Variants in FAM193A observed in about 807,000 individuals in gnomAD.
The protein encoded by FAM193A is family with sequence similarity 193 member A.
In FAM193A, 22 loss-of-function variants were observed where a neutral mutation model predicts 126.5. The observed-to-expected ratio is 0.17, with a 90% CI of 0.12 to 0.25. The LOEUF is 0.25. Among genes scored for constraint, FAM193A ranks in the 10% least tolerant of loss-of-function variants. FAM193A has a pLI of 1.00. For missense variants in FAM193A, 1,675 were observed against 1,672.8 expected (o/e 1.00, Z -0.02); for synonymous variants, 761 against 646.8 (o/e 1.18, Z -2.68).
rs1300778994 is a variant in FAM193A, at chr4:2,556,606, C to T, written c.255+19436C>T. Among the ~76,000 whole-genome samples the T allele has an allele frequency of 6.6e-5, 10 of 152,192 alleles. No homozygotes were observed. In the East Asian group the frequency reaches 9.7e-4, roughly 15 times the overall value. The stretch of plus-strand genomic sequence containing the variant: ...CTGATGTGGGGGGATCACTTGAGCC[C>T]GGGAGGTCGAGACTGCAGTGAGCTG... On this transcript the variant is annotated intron_variant, in intron 1 of 20. Transcript: ENST00000637812.
rs1386780426 is a variant in FAM193A at position 2,649,488 on chromosome 4, C to A, written c.1311+2656C>A. 2.0e-5 allele frequency among the ~76,000 whole-genome samples: 3 copies of A among 151,470 alleles called. No individual in the cohort carries two copies. The East Asian group carries it at 5.8e-4, about 29-fold the overall frequency. On this transcript the variant is annotated intron_variant, in intron 7 of 20. Coordinates refer to ENST00000637812, the MANE Select transcript of FAM193A (RefSeq NM_001366318.2). ...AGAAGTTTGAGATCAGCCTGGGTGA[C>A]ATAGATAGACCTTGTCTCTACAAAA...
chr4:2,638,105 C>T (rs528336698), intron 5 of FAM193A, among the ~76,000 whole-genome samples: 1 of 152,354 alleles, frequency 6.6e-6, no homozygotes, highest in African/African-American at 2.4e-5. Context: ...GGAGGCCAGG[C>T]AAAGCCTCAG....
At chr4:2,680,411 C>T (rs1714971223) in intron 13 of FAM193A, among the ~76,000 whole-genome samples, 1 of 152,190 alleles carries the variant, frequency 6.6e-6, no homozygotes, top group Non-Finnish European at 1.5e-5. Flanking sequence ...GCCTCAAACT[C>T]CTGGGCTCAA....
chr4:2,557,767 A>G (rs1738346517), intron 1 of FAM193A, among the ~76,000 whole-genome samples: 1 of 152,036 alleles, frequency 6.6e-6, no homozygotes, highest in Non-Finnish European at 1.5e-5. Context: ...CCTGGCTAAC[A>G]TGGTGAAACA....
intron 1 of FAM193A, among the ~76,000 whole-genome samples, chr4:2,594,820 C>CTTTTTTTTTTTTTTTTTTTTTTTTTTTTT (rs386399069): frequency 9.6e-5 from 6 of 62,230 alleles, no homozygotes; most frequent in African/African-American, 2.4e-4. Context: ...TTTTCTTTTC[C>CTTTTTTTTTTTTTTTTTTTTTTTTTTTTT]TTTTTTTTTT....
At chr4:2,693,510 T>C (rs1716648690) in intron 15 of FAM193A, 76 bp from the exon 16 acceptor site, 2 of 1,393,846 alleles carry the variant, frequency 1.4e-6, no homozygotes, top group Non-Finnish European at 2.0e-6. Flanking sequence ...ACTCTTTGTG[T>C]GTTCTTTCAG....
At chr4:2,685,973 A>G (rs1339774432) in intron 13 of FAM193A, among the ~76,000 whole-genome samples, 1 of 152,206 alleles carries the variant, frequency 6.6e-6, no homozygotes, top group Non-Finnish European at 1.5e-5. Flanking sequence ...TTGTATAACG[A>G]GTGAAATTGG....
chr4:2,718,021 A>G (rs1719732203), intron 20 of FAM193A, among the ~76,000 whole-genome samples: 1 of 152,212 alleles, frequency 6.6e-6, no homozygotes, highest in Non-Finnish European at 1.5e-5. Flanking sequence ...AACCTGCGGG[A>G]TATCGAAAAA....
intron 18 of FAM193A, among the ~76,000 whole-genome samples, chr4:2,697,477 G>A (rs572632835): frequency 6.6e-6 from 1 of 152,354 alleles, no homozygotes; most frequent in African/African-American, 2.4e-5. Context: ...AGACCTCAGT[G>A]AGCAGATGTG....
intron 1 of FAM193A, among the ~76,000 whole-genome samples, chr4:2,568,217 G>GT (rs1165676110): frequency 2.6e-5 from 4 of 152,134 alleles, no homozygotes; most frequent in African/African-American, 9.7e-5. Flanking sequence ...CTGTGGGCTT[G>GT]TAAAATTTTT....
At chr4:2,667,624 G>T (rs766601790) in intron 12 of FAM193A, among the ~76,000 whole-genome samples, 2 of 152,026 alleles carry the variant, frequency 1.3e-5, no homozygotes, top group Non-Finnish European at 1.5e-5. Context: ...ACCTTCTTGG[G>T]TTACTGTGTA....
At chr4:2,615,614 G>A (rs1742134653) in intron 2 of FAM193A, among the ~76,000 whole-genome samples, 1 of 152,098 alleles carries the variant, frequency 6.6e-6, no homozygotes. Context: ...TGCCTCCCGG[G>A]TTCAAGCAAT....
chr4:2,603,353 C>T (rs975094047), intron 2 of FAM193A, among the ~76,000 whole-genome samples: 22 of 149,852 alleles, frequency 1.5e-4, no homozygotes, highest in Non-Finnish European at 1.0e-4. Context: ...GGCGTGATTT[C>T]GGCTCAACGC....
At chr4:2,543,526 C>G (rs961416948) in intron 1 of FAM193A, among the ~76,000 whole-genome samples, 4 of 151,728 alleles carry the variant, frequency 2.6e-5, no homozygotes, top group African/African-American at 9.7e-5. Flanking sequence ...GAGAGACCCT[C>G]CCCGCCACTG....
chr4:2,626,074 G>A (rs1742934691), intron 3 of FAM193A, among the ~76,000 whole-genome samples: 2 of 152,162 alleles, frequency 1.3e-5, no homozygotes, highest in Admixed American at 1.3e-4. Context: ...AGGAATGCAT[G>A]TAGCCAAGTG....
At chr4:2,650,847 A>G (rs963784874) in intron 7 of FAM193A, among the ~76,000 whole-genome samples, 2 of 151,986 alleles carry the variant, frequency 1.3e-5, no homozygotes, top group Non-Finnish European at 2.9e-5. Context: ...CCCACGGTAC[A>G]CTCTAATGGC....
intron 20 of FAM193A, among the ~76,000 whole-genome samples, chr4:2,721,908 T>G (rs1375225774): frequency 6.6e-6 from 1 of 152,206 alleles, no homozygotes; most frequent in Admixed American, 6.5e-5. Context: ...ACGAACAGAC[T>G]GTCACCTCAT....
At chr4:2,694,867 T>C in intron 16 of FAM193A, 79 bp from the exon 17 acceptor site, 1 of 1,245,694 alleles carries the variant, frequency 8.0e-7, no homozygotes, top group Non-Finnish European at 1.1e-6. Flanking sequence ...GGCAGGACAG[T>C]GGGTGGTCAT....
rs769358572 is a variant in FAM193A at position 2,700,485 on chromosome 4, C to T, written c.4313C>T (p.Pro1438Leu). The change falls in exon 19 of 21, where the codon CCA (proline) becomes CTA (leucine). Residue 1438 changes from proline (P) to leucine (L), a missense_variant. Physicochemically the swap from Pro to Leu is moderately conservative, Grantham distance 98. This residue lies in a region of FAM193A where 415 missense variants were observed against 396.7 expected (regional missense o/e 1.05). Coordinates refer to ENST00000637812, the MANE Select transcript of FAM193A (RefSeq NM_001366318.2). The stretch of plus-strand genomic sequence containing the variant: ...CTGGTGCTGGCAGAGTCCCCTCAGC[C>T]AAAGGGCAAGAACAAGAAAAATAAG... ...SKLVLAESPQ[P>L]KGKNKKNKKK... The T allele has an allele frequency of 6.2e-7, 1 of 1,613,948 alleles. No individual in the cohort carries two copies. The highest frequency in any genetic ancestry group is 1.1e-5 in the South Asian group (1 of 91,064).
Sources: allele counts gnomAD v4.1 joint callset (sites outside exome capture counted in the v4.1 genomes callset), GRCh38; gene constraint gnomAD v4.1.1; regional missense constraint gnomAD v4.1.1; transcripts MANE v1.5; gene names NCBI Gene and HGNC (gene_info 2026-07-23, HGNC 2026-07-21).